Variants in PINK1 observed in about 807,000 individuals in gnomAD.
PINK1 encodes the protein PTEN induced kinase 1.
A neutral mutation model predicts 56.0 loss-of-function variants in PINK1; 58 were observed. The observed-to-expected ratio is 1.04, with a 90% CI of 0.84 to 1.29. PINK1 has a LOEUF of 1.29. PINK1 is among the 50% of genes most tolerant of loss of function. The probability of loss-of-function intolerance (pLI) is 0.00; values close to 1 mark genes in which losing one functional copy is unlikely to be tolerated. For missense variants in PINK1, 745 were observed against 777.9 expected (o/e 0.96, Z 0.50); for synonymous variants, 354 against 339.3 (o/e 1.04, Z -0.48).
chr1:20,640,690 G>T (rs1025626450), intron 3 of PINK1, among the ~76,000 whole-genome samples: 2 of 152,180 alleles, frequency 1.3e-5, no homozygotes, highest in African/African-American at 4.8e-5. Flanking sequence ...TCCACCACCA[G>T]CCTCACCACA....
chr1:20,639,716 C>A, intron 2 of PINK1, 176 bp from the exon 3 acceptor site: 1 of 680,528 alleles, frequency 1.5e-6, no homozygotes, highest in Non-Finnish European at 2.7e-6. Context: ...GTACCTCTGT[C>A]TGCCTCCCAG....
At chr1:20,637,814 C>T in intron 1 of PINK1, 28 bp from the exon 2 acceptor site, 1 of 1,612,940 alleles carries the variant, frequency 6.2e-7, no homozygotes, top group South Asian at 1.1e-5. Context: ...GGCTCCCTGG[C>T]TCACGGTGCA....
chr1:20,635,313 C>G (rs1382180629), intron 1 of PINK1, among the ~76,000 whole-genome samples: 2 of 142,976 alleles, frequency 1.4e-5, no homozygotes, highest in South Asian at 4.5e-4. Flanking sequence ...CCAGCCTGGC[C>G]AACATGGTGG....
chr1:20,637,503 G>C (rs1294237426), intron 1 of PINK1, among the ~76,000 whole-genome samples: 1 of 152,200 alleles, frequency 6.6e-6, no homozygotes, highest in Non-Finnish European at 1.5e-5. Flanking sequence ...AGAGCGAGCT[G>C]TCTCCATAAT....
At chr1:20,642,061 A>G (rs1250541963) in intron 3 of PINK1, among the ~76,000 whole-genome samples, 2 of 152,114 alleles carry the variant, frequency 1.3e-5, no homozygotes, top group Non-Finnish European at 2.9e-5. Context: ...AACAGGGGCC[A>G]CTCAGGTTGA....
chr1:20,635,112 G>A (rs936956002), intron 1 of PINK1, among the ~76,000 whole-genome samples: 1 of 152,166 alleles, frequency 6.6e-6, no homozygotes, highest in Non-Finnish European at 1.5e-5. Flanking sequence ...TGAGGAGATT[G>A]ATCCTCCTAA....
intron 3 of PINK1, 80 bp from the exon 4 acceptor site, chr1:20,644,410 G>A: frequency 7.1e-7 from 1 of 1,418,276 alleles, no homozygotes; most frequent in Non-Finnish European, 1.0e-6. Flanking sequence ...CAGTGCCAGT[G>A]TTGGTGTGGC....
Position 20,638,567 on chromosome 1 carries a change from A to G in PINK1, c.675+438A>G, listed in dbSNP as rs1002267965. 8 of 258,558 alleles carry G rather than the reference A, an allele frequency of 3.1e-5. 1 individual carries two copies. Among genetic ancestry groups the G allele is most frequent in the Admixed American group, 2.5e-4 (5 of 19,926 alleles). 16.0% of individuals were successfully genotyped at this position (258,558 alleles called of 1,614,324 possible). A position where few individuals can be genotyped will look rare whatever the true frequency, so the allele number is the denominator to read the frequency against. On this transcript the variant is annotated intron_variant, in intron 2 of 7. Coordinates refer to ENST00000321556, the MANE Select transcript of PINK1 (RefSeq NM_032409.3). ...TGAAGTGGGAGGATCACTTGAGTGCAAGAGGCAGAGGCTGCAGTGATCCAA... is the reference window on the plus strand; with the variant it reads ...TGAAGTGGGAGGATCACTTGAGTGCGAGAGGCAGAGGCTGCAGTGATCCAA...
At chr1:20,642,074 CAA>C (rs1279831988) in intron 3 of PINK1, among the ~76,000 whole-genome samples, 3 of 152,320 alleles carry the variant, frequency 2.0e-5, no homozygotes, top group South Asian at 4.1e-4. Context: ...CAGGTTGACT[CAA>C]GAGCAGGAGC....
intron 5 of PINK1, chr1:20,648,248 T>C (rs2053212258): frequency 5.7e-6 from 3 of 522,404 alleles, no homozygotes; most frequent in Non-Finnish European, 1.0e-5. Flanking sequence ...ACAGCTCCAA[T>C]TACTAGAACA....
rs571459848 is a variant in PINK1 at position 20,644,255 on chromosome 1, C to T, written c.777-235C>T. 3.4e-4 allele frequency among the ~76,000 whole-genome samples: 52 copies of T among 152,240 alleles called. 1 individual carries two copies. The East Asian group carries it at 9.1e-3, about 27-fold the overall frequency. ...GGGATGGATAGGATGGATGGGTGTACGGATGGACGGACGGACAGACGGATG... is the reference window on the plus strand; with the variant it reads ...GGGATGGATAGGATGGATGGGTGTATGGATGGACGGACGGACAGACGGATG... On this transcript the variant is annotated intron_variant, in intron 3 of 7. Transcript: ENST00000321556.
intron 6 of PINK1, 39 bp from the exon 7 acceptor site, chr1:20,648,956 G>C: frequency 6.3e-7 from 1 of 1,594,784 alleles, no homozygotes; most frequent in Non-Finnish European, 8.6e-7. Context: ...AGGTTAGATG[G>C]GCGGGCAGCG....
chr1:20,633,518 G>T lies in PINK1; in HGVS notation c.-31G>T, dbSNP rs1481056793. On this transcript the variant is annotated 5_prime_UTR_variant, in exon 1 of 8. Coordinates refer to ENST00000321556, the MANE Select transcript of PINK1 (RefSeq NM_032409.3). The stretch of plus-strand genomic sequence containing the variant: ...GGACGCCGGTGGTGGCGGCAGCGGC[G>T]GCTGCGGGGGCACCGGGCCGCGGCG... 2 of 1,130,276 alleles carry T rather than the reference G, an allele frequency of 1.8e-6. No homozygotes were observed. The highest frequency in any genetic ancestry group is 3.3e-5 in the African/African-American group (2 of 60,756). 70.0% of individuals were successfully genotyped at this position (1,130,276 alleles called of 1,614,324 possible).
chr1:20,651,229 A>AAGTG lies in PINK1; in HGVS notation c.*539_*542dup, dbSNP rs1330547639. ...AGTGACGGATGAGCAGTAAGTAAGTAAGTGTGGGGATTTAAACTTGAGGGT... is the reference window on the plus strand; with the variant it reads ...AGTGACGGATGAGCAGTAAGTAAGTAAGTGAGTGTGGGGATTTAAACTTGAGGGT... On this transcript the variant is annotated 3_prime_UTR_variant, in exon 8 of 8. Coordinates refer to ENST00000321556, the MANE Select transcript of PINK1 (RefSeq NM_032409.3). The AAGTG allele has an allele frequency of 1.1e-5, 2 of 174,578 alleles. No individual in the cohort carries two copies. Among genetic ancestry groups the AAGTG allele is most frequent in the Non-Finnish European group, 2.5e-5 (2 of 79,954 alleles). The allele number at this position is 174,578 out of a possible 1,614,324, so 10.8% of individuals were successfully genotyped here. A position where few individuals can be genotyped will look rare whatever the true frequency, so the allele number is the denominator to read the frequency against.
intron 3 of PINK1, among the ~76,000 whole-genome samples, chr1:20,644,283 C>A (rs2053149445): frequency 6.6e-6 from 1 of 152,140 alleles, no homozygotes; most frequent in African/African-American, 2.4e-5. Context: ...GACGGATGGA[C>A]AAATGGATTG....
In PINK1 at chr1:20,633,792, C is replaced by A; in HGVS notation, c.244C>A (p.Gln82Lys). 6.4e-7 allele frequency: 1 copy of A among 1,573,954 alleles called. No homozygotes were observed. Among genetic ancestry groups the A allele is most frequent in the Admixed American group, 1.8e-5 (1 of 55,402 alleles). ...QSVAGLAARL[Q>K]RQFVVRAWGC... Reference sequence around the variant, plus strand: ...GGTGGCCGGGCTGGCGGCGCGGTTGCAGCGGCAGTTCGTGGTGCGGGCCTG... The same window carrying A: ...GGTGGCCGGGCTGGCGGCGCGGTTGAAGCGGCAGTTCGTGGTGCGGGCCTG... The change falls in exon 1 of 8, where the codon CAG becomes AAG. Residue 82 changes from glutamine to lysine, a missense_variant. Coordinates refer to ENST00000321556, the MANE Select transcript of PINK1 (RefSeq NM_032409.3).
intron 5 of PINK1, among the ~76,000 whole-genome samples, chr1:20,647,962 C>T (rs938578329): frequency 3.3e-5 from 5 of 152,138 alleles, no homozygotes; most frequent in Admixed American, 2.6e-4. Context: ...CAGGCACACA[C>T]CACCATGCCT....
rs201885172 is a variant in PINK1, at chr1:20,638,085, G to T, written c.631G>T (p.Ala211Ser). 2 of 1,613,724 alleles carry T rather than the reference G, an allele frequency of 1.2e-6. No individual in the cohort carries two copies. The highest frequency in any genetic ancestry group is 2.7e-5 in the African/African-American group (2 of 74,916). The change falls in exon 2 of 8, where the codon GCC (alanine) becomes TCC (serine). Residue 211 changes from alanine (A) to serine (S), a missense_variant. Transcript: ENST00000321556. ...AGAAGGGCAGGAGCGAGCTCCGGGG[G>T]CCCCTGCCTTCCCCTTGGCCATCAA... ...PGEGQERAPG[A>S]PAFPLAIKMM...
chr1:20,634,265 G>A (rs541841016), intron 1 of PINK1, among the ~76,000 whole-genome samples: 3 of 152,176 alleles, frequency 2.0e-5, no homozygotes, highest in Non-Finnish European at 4.4e-5. Flanking sequence ...CTTTGAGGTA[G>A]TTGCCGTCCC....
Sources: allele counts gnomAD v4.1 joint callset (sites outside exome capture counted in the v4.1 genomes callset), GRCh38; gene constraint gnomAD v4.1.1; transcripts MANE v1.5; gene names NCBI Gene and HGNC (gene_info 2026-07-23, HGNC 2026-07-21).